Variants in CDH6 observed in about 807,000 individuals in gnomAD.
The protein encoded by CDH6 is cadherin 6.
A neutral mutation model predicts 78.0 loss-of-function variants in CDH6; 31 were observed. That is an observed-to-expected ratio of 0.40 (90% CI 0.30 to 0.54). The LOEUF (loss-of-function observed/expected upper bound fraction) is 0.54. Among genes scored for constraint, CDH6 ranks in the 20% least tolerant of loss-of-function variants. CDH6 has a pLI of 0.56. For synonymous variants in CDH6, 376 were observed against 368.8 expected (o/e 1.02, Z -0.23); for missense variants, 724 against 975.9 (o/e 0.74, Z 3.44).
rs1447644473 is a variant in CDH6, at chr5:31,329,029, T to C, written c.*5721T>C. The C allele has an allele frequency of 4.7e-6, 1 of 214,006 alleles. No individual in the cohort carries two copies. The highest frequency in any genetic ancestry group is 2.3e-5 in the African/African-American group (1 of 44,240). 13.3% of individuals were successfully genotyped at this position (214,006 alleles called of 1,614,324 possible). On this transcript the variant is annotated 3_prime_UTR_variant, in exon 12 of 12. Coordinates refer to ENST00000265071, the MANE Select transcript of CDH6 (RefSeq NM_004932.4). ...GTTTTGTTTTCTTAGACTTATAAAT[T>C]TGAAAAGAATGCAATTTAAAAAGTG...
chr5:31,267,512 G>A lies in CDH6; in HGVS notation c.39G>A (p.Val13=). The change falls in exon 2 of 12, where the codon GTG becomes GTA. Residue 13 remains valine (V), a synonymous_variant. Coordinates refer to ENST00000265071, the MANE Select transcript of CDH6 (RefSeq NM_004932.4). ...TYRYFLLLFW[V]GQPYPTLSTP... is the part of the protein sequence containing the mutation. ...GCTACTTCTTGCTGCTCTTTTGGGT[G>A]GGCCAGCCCTACCCAACTCTCTCAA... 1 of 1,614,074 alleles carries A rather than the reference G, an allele frequency of 6.2e-7. No individual in the cohort carries two copies. The highest frequency in any genetic ancestry group is 1.1e-5 in the South Asian group (1 of 91,084).
intron 1 of CDH6, among the ~76,000 whole-genome samples, chr5:31,203,171 C>T (rs1740406924): frequency 6.6e-6 from 1 of 151,022 alleles, no homozygotes; most frequent in South Asian, 2.1e-4. Flanking sequence ...CCACATTTTC[C>T]CTCTCTGATT....
At chr5:31,267,117 A>G (rs977618852) in intron 1 of CDH6, among the ~76,000 whole-genome samples, 3 of 152,214 alleles carry the variant, frequency 2.0e-5, no homozygotes, top group African/African-American at 7.2e-5. Flanking sequence ...TCCTTAAAAT[A>G]GGATTTTTAA....
chr5:31,322,695 G>T (rs1031757970), intron 11 of CDH6, 123 bp from the exon 12 acceptor site: 5 of 1,154,432 alleles, frequency 4.3e-6, no homozygotes, highest in Non-Finnish European at 4.9e-6. Flanking sequence ...AGAAATAAAA[G>T]TTGAGTCTGC....
Position 31,323,360 on chromosome 5 carries a change from A to C in CDH6, c.*52A>C. ...CGACACTGAAATATGTGAAGTGGCT[A>C]TTTCTTTATATTTATCCACTACTCC... On this transcript the variant is annotated 3_prime_UTR_variant, in exon 12 of 12. Coordinates refer to ENST00000265071, the MANE Select transcript of CDH6 (RefSeq NM_004932.4). The C allele has an allele frequency of 6.4e-7, 1 of 1,551,294 alleles. No individual in the cohort carries two copies. Among genetic ancestry groups the C allele is most frequent in the East Asian group, 2.3e-5 (1 of 44,238 alleles).
chr5:31,263,441 C>CTTT (rs35835971), intron 1 of CDH6, among the ~76,000 whole-genome samples: 6 of 103,672 alleles, frequency 5.8e-5, no homozygotes, highest in African/African-American at 1.1e-4. Flanking sequence ...TTTTTGGGGT[C>CTTT]TTTTTTTTTT....
chr5:31,253,522 T>A (rs544899330), intron 1 of CDH6, among the ~76,000 whole-genome samples: 1 of 152,208 alleles, frequency 6.6e-6, no homozygotes, highest in East Asian at 1.9e-4. Context: ...ATTAGCAGAG[T>A]GAGAACAGAG....
intron 1 of CDH6, among the ~76,000 whole-genome samples, chr5:31,200,995 A>C (rs1402280356): frequency 6.6e-6 from 1 of 152,150 alleles, no homozygotes; most frequent in Non-Finnish European, 1.5e-5. Flanking sequence ...TAACTTATCC[A>C]TGGATATATT....
At chr5:31,257,159 A>ATGTTTGTTTGTT (rs200009608) in intron 1 of CDH6, among the ~76,000 whole-genome samples, 14 of 152,104 alleles carry the variant, frequency 9.2e-5, no homozygotes, top group South Asian at 4.2e-4. Flanking sequence ...AAGTATTCGC[A>ATGTTTGTTTGTT]TGTTTGTTTG....
intron 3 of CDH6, among the ~76,000 whole-genome samples, chr5:31,295,176 T>C (rs1325432135): frequency 6.6e-6 from 1 of 152,194 alleles, no homozygotes; most frequent in Non-Finnish European, 1.5e-5. Flanking sequence ...AAGAAATTGC[T>C]TTTCTCATTA....
intron 2 of CDH6, among the ~76,000 whole-genome samples, chr5:31,284,908 G>C: frequency 6.6e-6 from 1 of 152,150 alleles, no homozygotes; most frequent in East Asian, 1.9e-4. Context: ...ATGTCATCTC[G>C]GACTGGATCA....
intron 1 of CDH6, among the ~76,000 whole-genome samples, chr5:31,219,681 CT>C (rs1251893754): frequency 6.6e-6 from 1 of 152,160 alleles, no homozygotes; most frequent in East Asian, 1.9e-4. Flanking sequence ...CCAATTTCCC[CT>C]GATGGATTCC....
chr5:31,260,802 A>T (rs1487341739), intron 1 of CDH6, among the ~76,000 whole-genome samples: 1 of 152,228 alleles, frequency 6.6e-6, no homozygotes, highest in African/African-American at 2.4e-5. Flanking sequence ...GGAGTTCATT[A>T]CACACACGAA....
Position 31,328,941 on chromosome 5 carries a change from G to A in CDH6, c.*5633G>A. On this transcript the variant is annotated 3_prime_UTR_variant, in exon 12 of 12. Coordinates refer to ENST00000265071, the MANE Select transcript of CDH6 (RefSeq NM_004932.4). The stretch of plus-strand genomic sequence containing the variant: ...GAGTATTACCTTTTAGCTCAGTGTG[G>A]CCGGGCCTTTTGTTGCAGTCAAATG... 1 of 221,464 alleles carries A rather than the reference G, an allele frequency of 4.5e-6. No individual in the cohort carries two copies. Among genetic ancestry groups the A allele is most frequent in the Non-Finnish European group, 9.0e-6 (1 of 110,688 alleles). 13.7% of individuals were successfully genotyped at this position (221,464 alleles called of 1,614,324 possible). A position where few individuals can be genotyped will look rare whatever the true frequency, so the allele number is the denominator to read the frequency against.
intron 1 of CDH6, among the ~76,000 whole-genome samples, chr5:31,263,098 T>C (rs1742251561): frequency 6.6e-6 from 1 of 152,178 alleles, no homozygotes; most frequent in Non-Finnish European, 1.5e-5. Flanking sequence ...TGAAACTGGA[T>C]AATTTATAAA....
At chr5:31,205,375 C>T (rs1740487326) in intron 1 of CDH6, among the ~76,000 whole-genome samples, 1 of 152,302 alleles carries the variant, frequency 6.6e-6, no homozygotes, top group Admixed American at 6.5e-5. Context: ...GACTAAGCAA[C>T]TTGATAGGGC....
At chr5:31,270,629 C>G (rs1446593928) in intron 2 of CDH6, among the ~76,000 whole-genome samples, 1 of 152,182 alleles carries the variant, frequency 6.6e-6, no homozygotes, top group Non-Finnish European at 1.5e-5. Flanking sequence ...GCTAGTAATT[C>G]GCAAGGGGTC....
intron 7 of CDH6, among the ~76,000 whole-genome samples, chr5:31,306,535 C>T (rs552248624): frequency 7.9e-5 from 12 of 152,158 alleles, no homozygotes; most frequent in African/African-American, 2.9e-4. Flanking sequence ...TTTGGGAGGC[C>T]AAGGTGGGCA....
intron 1 of CDH6, among the ~76,000 whole-genome samples, 177 bp downstream of exon 1, chr5:31,194,063 T>TGCGCGGGCG (rs1404339609): frequency 6.6e-5 from 10 of 151,884 alleles, no homozygotes; most frequent in African/African-American, 2.4e-4. Context: ...CGGGTCCGGC[T>TGCGCGGGCG]GCGCGGGCGG....
Sources: gnomAD v4.1 joint callset for allele counts (sites outside exome capture counted in the v4.1 genomes callset) on GRCh38, gnomAD v4.1.1 for gene constraint, MANE v1.5 for transcripts, NCBI Gene and HGNC (gene_info 2026-07-23, HGNC 2026-07-21) for gene names.